KAZN: variants seen among roughly 807,000 people sequenced by gnomAD.
KAZN encodes the protein kazrin.
A neutral mutation model predicts 87.4 loss-of-function variants in KAZN; 40 were observed. The observed-to-expected ratio is 0.46, with a 90% CI of 0.36 to 0.60. The LOEUF (loss-of-function observed/expected upper bound fraction) is 0.60. KAZN is among the 20% of genes least tolerant of loss of function. The probability of loss-of-function intolerance (pLI) is 0.00; values close to 1 mark genes in which losing one functional copy is unlikely to be tolerated. For missense variants in KAZN, 898 were observed against 1,073.9 expected (o/e 0.84, Z 2.29); for synonymous variants, 466 against 458.3 (o/e 1.02, Z -0.22).
At chr1:15,058,043 C>T (rs947369475) in intron 5 of KAZN, among the ~76,000 whole-genome samples, 1 of 152,244 alleles carries the variant, frequency 6.6e-6, no homozygotes, top group African/African-American at 2.4e-5. Context: ...TCCAGGAAGC[C>T]TTCCGTGCTC....
At chr1:14,572,294 C>A (rs142995678) in intron 2 of KAZN, among the ~76,000 whole-genome samples, 1 of 152,134 alleles carries the variant, frequency 6.6e-6, no homozygotes, top group African/African-American at 2.4e-5. Flanking sequence ...CGGCATTGTA[C>A]AAAGGCTGTG....
Position 14,907,599 on chromosome 1 carries a change from C to T in KAZN, c.227-53085C>T, listed in dbSNP as rs148696785. Among the ~76,000 whole-genome samples the T allele has an allele frequency of 2.2e-3, 341 of 152,134 alleles. 1 individual carries two copies. The highest frequency in any genetic ancestry group is 0.01 in the Middle Eastern group (3 of 294). ...TTGCAAAAAGCTCAGGGTACAAAGACGAGGGCATGATGACTCTGCCCGGGC... is the reference window on the plus strand; with the variant it reads ...TTGCAAAAAGCTCAGGGTACAAAGATGAGGGCATGATGACTCTGCCCGGGC... On this transcript the variant is annotated intron_variant, in intron 1 of 14. Coordinates refer to ENST00000376030, the MANE Select transcript of KAZN (RefSeq NM_201628.3).
exon 1 of KAZN, chr1:13,893,745 T>C: frequency 6.4e-7 from 1 of 1,550,528 alleles, no homozygotes; most frequent in Non-Finnish European, 8.7e-7. Context: ...CAGTGCCAAC[T>C]TATGCAAGCA....
chr1:14,192,845 C>A (rs1646448941), intron 2 of KAZN, among the ~76,000 whole-genome samples: 2 of 152,138 alleles, frequency 1.3e-5, no homozygotes. Flanking sequence ...TCCTAGCTCC[C>A]AGAACCTAAG....
chr1:13,909,235 T>C (rs115614323), intron 1 of KAZN, among the ~76,000 whole-genome samples: 2,925 of 152,336 alleles, frequency 0.019, 90 homozygotes, highest in African/African-American at 0.067. Context: ...ATAGCAACAA[T>C]GTATCTGCAA....
At chr1:14,537,232 A>G (rs1672556435) in intron 2 of KAZN, among the ~76,000 whole-genome samples, 4 of 152,194 alleles carry the variant, frequency 2.6e-5, no homozygotes, top group Admixed American at 2.6e-4. Context: ...TCAGGGAGCC[A>G]TACTCCTTCA....
At chr1:14,415,536 C>A (rs1443148908) in intron 2 of KAZN, among the ~76,000 whole-genome samples, 1 of 152,176 alleles carries the variant, frequency 6.6e-6, no homozygotes, top group South Asian at 2.1e-4. Flanking sequence ...TCGACCCCCA[C>A]CCACTGAAGT....
intron 1 of KAZN, among the ~76,000 whole-genome samples, chr1:13,941,254 C>T (rs564279191): frequency 6.6e-6 from 1 of 152,118 alleles, no homozygotes; most frequent in Non-Finnish European, 1.5e-5. Context: ...TCTGCATAAT[C>T]AATGACTACT....
At chr1:14,980,047 C>T (rs968901590) in intron 2 of KAZN, among the ~76,000 whole-genome samples, 4 of 152,152 alleles carry the variant, frequency 2.6e-5, no homozygotes, top group African/African-American at 7.2e-5. Flanking sequence ...AGCCACCACA[C>T]CTGGCTAATT....
upstream of KAZN, among the ~76,000 whole-genome samples, chr1:14,594,474 C>T (rs906710265): frequency 6.6e-6 from 1 of 152,124 alleles, no homozygotes; most frequent in East Asian, 1.9e-4. Flanking sequence ...ACATATGAGC[C>T]GAGGCCTGGA....
chr1:14,876,443 A>C (rs1326103210), intron 1 of KAZN, among the ~76,000 whole-genome samples: 1 of 152,196 alleles, frequency 6.6e-6, no homozygotes, highest in East Asian at 1.9e-4. Context: ...TTGGGAGGAC[A>C]CACCTTGAAA....
chr1:14,106,614 C>T (rs1200749388), intron 1 of KAZN, among the ~76,000 whole-genome samples: 1 of 152,170 alleles, frequency 6.6e-6, no homozygotes, highest in Admixed American at 6.5e-5. Flanking sequence ...TAGGGTCAAT[C>T]CTGAGAATGA....
At position 14,428,292 on chromosome 1, in the gene KAZN, T is replaced by A. The variant is rs150932456; in HGVS notation, c.250-170691T>A. Among the ~76,000 whole-genome samples the A allele has an allele frequency of 2.0e-5, 3 of 152,288 alleles. No individual in the cohort carries two copies. In the East Asian group the frequency reaches 5.8e-4, roughly 29 times the overall value. On this transcript the variant is annotated intron_variant, in intron 2 of 16. Coordinates refer to the KAZN transcript ENST00000636203. ...CTTTCAATCAAGGGAGTACATATGG[T>A]GACCTGGATGATTATAGGCATTCTG...
At chr1:14,233,767 C>T in intron 2 of KAZN, among the ~76,000 whole-genome samples, 1 of 152,182 alleles carries the variant, frequency 6.6e-6, no homozygotes, top group Admixed American at 6.5e-5. Flanking sequence ...GAGCCCTTCC[C>T]TACTGCCTCT....
chr1:15,043,167 A>T (rs1187697810), intron 3 of KAZN, among the ~76,000 whole-genome samples: 3 of 152,168 alleles, frequency 2.0e-5, no homozygotes, highest in Non-Finnish European at 4.4e-5. Flanking sequence ...TTTCTCTCAC[A>T]GGCTGTGACC....
intron 2 of KAZN, among the ~76,000 whole-genome samples, chr1:14,528,354 A>AG (rs990077552): frequency 6.6e-6 from 1 of 150,522 alleles, no homozygotes; most frequent in Non-Finnish European, 1.5e-5. Flanking sequence ...AAAAAAAAAA[A>AG]AAAAAAAGAA....
At chr1:14,768,349 T>C (rs1011149152) in intron 1 of KAZN, among the ~76,000 whole-genome samples, 3 of 152,240 alleles carry the variant, frequency 2.0e-5, no homozygotes, top group African/African-American at 7.2e-5. Flanking sequence ...AAGATCAATA[T>C]AGTTTTGTAA....
Position 15,094,323 on chromosome 1 carries a change from G to A in KAZN, c.1366G>A (p.Glu456Lys). The part of the protein sequence containing the change: ...WKAGTVQAWL[E>K]VVMAMPMYVK... ...GGCGGGCACCGTCCAGGCCTGGCTG[G>A]AGGTGGTGATGGCCATGCCTATGTA... Residue 456 changes from glutamate (E) to lysine (K), a missense_variant, in exon 9 of 15, where the codon GAG becomes AAG. Around this residue, in one of 3 missense-constraint regions of KAZN, gnomAD observed 521 missense variants for 689.4 expected, o/e 0.76. Coordinates refer to ENST00000376030, the MANE Select transcript of KAZN (RefSeq NM_201628.3). The surrounding 1 kb of genome is among the most constrained non-coding windows in gnomAD (Gnocchi z 4.5). 1 of 1,613,966 alleles carries A rather than the reference G, an allele frequency of 6.2e-7. No individual in the cohort carries two copies. The highest frequency in any genetic ancestry group is 1.7e-5 in the Admixed American group (1 of 60,022).
chr1:15,034,885 G>C lies in KAZN; in HGVS notation c.555G>C (p.Lys185Asn). 1 of 1,613,526 alleles carries C rather than the reference G, an allele frequency of 6.2e-7. No individual in the cohort carries two copies. The highest frequency in any genetic ancestry group is 8.5e-7 in the Non-Finnish European group (1 of 1,179,872). The change falls in exon 3 of 15, where the codon AAG becomes AAC. Residue 185 changes from lysine to asparagine, a missense_variant and splice_region_variant. This residue lies in a region of KAZN where 250 missense variants were observed against 263.0 expected (regional missense o/e 0.95). Coordinates refer to ENST00000376030, the MANE Select transcript of KAZN (RefSeq NM_201628.3). ...TCCGCAACTATGAGCAGCACCGCAAGGTCAGCCGCCGCCCTGCCCTCCCCT... is the reference window on the plus strand; with the variant it reads ...TCCGCAACTATGAGCAGCACCGCAACGTCAGCCGCCGCCCTGCCCTCCCCT... ...DFIRNYEQHR[K>N]ESEDAVKALA... is the part of the protein sequence containing the mutation.
Sources: gnomAD v4.1 joint callset for allele counts (sites outside exome capture counted in the v4.1 genomes callset) on GRCh38, gnomAD v4.1.1 for gene constraint, gnomAD v4.1.1 regional missense constraint, Gnocchi (gnomAD v3.1) non-coding constraint, MANE v1.5 for transcripts, NCBI Gene and HGNC (gene_info 2026-07-23, HGNC 2026-07-21) for gene names.